The following SUMF1 variants were observed in gnomAD, a reference collection of about 807,000 sequenced individuals.
SUMF1 encodes the protein formylglycine-generating enzyme.
A neutral mutation model predicts 47.6 loss-of-function variants in SUMF1; 48 were observed. The observed-to-expected ratio is 1.01, with a 90% CI of 0.80 to 1.28. SUMF1 has a LOEUF of 1.28. Ranked by LOEUF, SUMF1 falls within the 50% of genes most tolerant of loss-of-function variation. The pLI is 0.00. For synonymous variants in SUMF1, 230 were observed against 192.1 expected (o/e 1.20, Z -1.63); for missense variants, 571 against 485.4 (o/e 1.18, Z -1.66).
At chr3:4,232,413 C>T (rs1696320604) in intron 8 of SUMF1, among the ~76,000 whole-genome samples, 1 of 152,046 alleles carries the variant, frequency 6.6e-6, no homozygotes, top group Non-Finnish European at 1.5e-5. Context: ...AATATGACTG[C>T]CAGGGTTCAT....
At chr3:4,145,213 AG>A (rs1394778138) in intron 8 of SUMF1, among the ~76,000 whole-genome samples, 24 of 150,496 alleles carry the variant, frequency 1.6e-4, no homozygotes, top group Admixed American at 4.6e-4. Context: ...AAAAAAAAAA[AG>A]CCATCTCCTA....
At chr3:4,251,480 C>G (rs1269953127) in intron 8 of SUMF1, among the ~76,000 whole-genome samples, 4 of 152,180 alleles carry the variant, frequency 2.6e-5, no homozygotes, top group African/African-American at 9.7e-5. Context: ...AGGATTGACT[C>G]AAATTTTGAA....
intron 1 of SUMF1, among the ~76,000 whole-genome samples, chr3:4,457,437 C>T (rs774081071): frequency 5.3e-5 from 8 of 151,748 alleles, no homozygotes; most frequent in Non-Finnish European, 1.0e-4. Flanking sequence ...CCCCAAAGAG[C>T]GAAAGCAATT....
chr3:4,196,052 G>C (rs919487764), intron 8 of SUMF1, among the ~76,000 whole-genome samples: 1 of 152,024 alleles, frequency 6.6e-6, no homozygotes, highest in African/African-American at 2.4e-5. Context: ...TGATTAAATG[G>C]TATAGCATTA....
chr3:4,205,732 G>C (rs1388779502), intron 8 of SUMF1, among the ~76,000 whole-genome samples: 1 of 152,128 alleles, frequency 6.6e-6, no homozygotes, highest in Non-Finnish European at 1.5e-5. Context: ...GAATTCCCTA[G>C]ATTACCAGGC....
intron 8 of SUMF1, among the ~76,000 whole-genome samples, chr3:4,318,947 AC>A (rs1409456689): frequency 2.0e-5 from 3 of 152,146 alleles, no homozygotes; most frequent in Non-Finnish European, 4.4e-5. Context: ...AAGACAAATG[AC>A]CCAATTTAAA....
chr3:4,361,956 C>G lies in SUMF1; in HGVS notation c.*188G>C, dbSNP rs1184756572. ...GATGATCTCCAAAGATGCACCACACCATAAAGCACATGCACTGACCCAGGT... is the reference window on the plus strand; with the variant it reads ...GATGATCTCCAAAGATGCACCACACGATAAAGCACATGCACTGACCCAGGT... On this transcript the variant is annotated 3_prime_UTR_variant, in exon 9 of 9. Transcript: ENST00000272902. 3.3e-6 allele frequency: 2 copies of G among 602,634 alleles called. No homozygotes were observed. The highest frequency in any genetic ancestry group is 6.0e-6 in the Non-Finnish European group (2 of 335,016). 37.3% of individuals were successfully genotyped at this position (602,634 alleles called of 1,614,324 possible). A position where few individuals can be genotyped will look rare whatever the true frequency, so the allele number is the denominator to read the frequency against.
rs542481636 is a variant in SUMF1, at chr3:4,135,829, T to A, written c.1015-67084A>T. Among the ~76,000 whole-genome samples, 40 of 152,130 alleles carry A rather than the reference T, an allele frequency of 2.6e-4. 1 individual carries two copies. Among genetic ancestry groups the A allele is most frequent in the African/African-American group, 9.2e-4 (38 of 41,496 alleles). ...AATCACAAGCATTCTTATATACCAA[T>A]AACAGACAAACAGAGAGCCAAATCA... On this transcript the variant is annotated intron_variant and NMD_transcript_variant, in intron 8 of 12. Coordinates refer to the SUMF1 transcript ENST00000448413.
intron 7 of SUMF1, among the ~76,000 whole-genome samples, chr3:4,409,617 C>T (rs1256769928): frequency 6.6e-6 from 1 of 152,210 alleles, no homozygotes; most frequent in Non-Finnish European, 1.5e-5. Context: ...TGCCAAGTCA[C>T]ATCTTGCCGG....
At chr3:4,449,436 T>C in intron 2 of SUMF1, 96 bp from the exon 3 acceptor site, 1 of 1,244,760 alleles carries the variant, frequency 8.0e-7, no homozygotes, top group Non-Finnish European at 1.2e-6. Context: ...TGATTCCTCT[T>C]GTCCAATTGA....
At position 4,181,890 on chromosome 3, in the gene SUMF1, T is replaced by TG. The variant is rs368638647; in HGVS notation, c.1015-113146dup. 1.8e-3 allele frequency among the ~76,000 whole-genome samples: 276 copies of TG among 152,194 alleles called. 2 individuals are homozygous for TG. Among genetic ancestry groups the TG allele is most frequent in the African/African-American group, 6.4e-3 (265 of 41,482 alleles). ...AGGCTGGGGAACACAGGCTGCTGAT[T>TG]GGCTGTCTGTGCTACTGCATTCTGG... On this transcript the variant is annotated intron_variant and NMD_transcript_variant, in intron 8 of 12. Coordinates refer to the SUMF1 transcript ENST00000448413.
chr3:4,465,034 G>A (rs1042688585), intron 1 of SUMF1, among the ~76,000 whole-genome samples: 4 of 152,188 alleles, frequency 2.6e-5, no homozygotes, highest in Admixed American at 6.5e-5. Context: ...GGAACCCAGA[G>A]GAAAATAGAA....
intron 8 of SUMF1, among the ~76,000 whole-genome samples, chr3:4,227,985 T>C (rs996735440): frequency 3.9e-5 from 6 of 152,072 alleles, no homozygotes; most frequent in African/African-American, 1.4e-4. Flanking sequence ...GGAGTAGCCA[T>C]AGGGACAGTT....
At chr3:4,326,856 C>G (rs939964830) in intron 8 of SUMF1, among the ~76,000 whole-genome samples, 1 of 152,090 alleles carries the variant, frequency 6.6e-6, no homozygotes, top group African/African-American at 2.4e-5. Context: ...AACATCATCT[C>G]AATTTCTCAA....
intron 3 of SUMF1, among the ~76,000 whole-genome samples, chr3:4,423,546 C>A (rs1701974888): frequency 6.6e-6 from 1 of 152,180 alleles, no homozygotes; most frequent in Non-Finnish European, 1.5e-5. Context: ...GTATGGCTAG[C>A]ACTGAACCTG....
intron 8 of SUMF1, among the ~76,000 whole-genome samples, chr3:4,087,570 TAAG>T (rs1369123437): frequency 6.6e-6 from 1 of 152,094 alleles, no homozygotes; most frequent in African/African-American, 2.4e-5. Context: ...AGTAAAATAG[TAAG>T]AAGAATCACA....
chr3:4,164,087 C>T (rs1574941256), intron 8 of SUMF1, among the ~76,000 whole-genome samples: 1 of 152,160 alleles, frequency 6.6e-6, no homozygotes, highest in Non-Finnish European at 1.5e-5. Flanking sequence ...GATAATAGCT[C>T]CAGCTTTGGC....
At chr3:4,238,749 CT>C (rs920839243) in intron 8 of SUMF1, among the ~76,000 whole-genome samples, 26 of 152,254 alleles carry the variant, frequency 1.7e-4, no homozygotes, top group Admixed American at 4.6e-4. Flanking sequence ...ATGGTAGTTT[CT>C]TTTGCTGTGC....
At chr3:4,225,877 A>G (rs1559586924) in intron 8 of SUMF1, among the ~76,000 whole-genome samples, 2 of 152,186 alleles carry the variant, frequency 1.3e-5, no homozygotes, top group African/African-American at 2.4e-5. Flanking sequence ...GACTAGGCTT[A>G]CAAGTACTTA....
Sources: gnomAD v4.1 joint callset for allele counts (sites outside exome capture counted in the v4.1 genomes callset) on GRCh38, gnomAD v4.1.1 for gene constraint, MANE v1.5 for transcripts, NCBI Gene and HGNC (gene_info 2026-07-23, HGNC 2026-07-21) for gene names.